MSRA: variants seen among roughly 807,000 people sequenced by gnomAD.
MSRA encodes the protein methionine sulfoxide reductase A.
MSRA carries 54 observed loss-of-function variants against 31.3 expected under a neutral mutation model. That is an observed-to-expected ratio of 1.73 (90% CI 1.39 to 2.17). The LOEUF (loss-of-function observed/expected upper bound fraction) is 2.17. Ranked by LOEUF, MSRA falls within the 30% of genes most tolerant of loss-of-function variation. MSRA has a pLI of 0.00. For synonymous variants in MSRA, 169 were observed against 116.5 expected (o/e 1.45, Z -2.90); for missense variants, 507 against 300.9 (o/e 1.69, Z -5.07).
chr8:10,155,032 G>T (rs10100285), intron 1 of MSRA, among the ~76,000 whole-genome samples: 5,238 of 123,354 alleles, frequency 0.042, 446 homozygotes, highest in African/African-American at 0.16. Context: ...CCTTGCATTC[G>T]CATTTTAAGA....
At chr8:10,090,843 C>T (rs1311813169) in intron 1 of MSRA, among the ~76,000 whole-genome samples, 9 of 152,194 alleles carry the variant, frequency 5.9e-5, no homozygotes, top group Admixed American at 2.6e-4. Flanking sequence ...AAGGCCCATC[C>T]ATGCCATTGC....
intron 1 of MSRA, among the ~76,000 whole-genome samples, chr8:10,117,639 T>G (rs1228164011): frequency 2.6e-5 from 4 of 152,236 alleles, no homozygotes; most frequent in African/African-American, 9.6e-5. Flanking sequence ...TTGATGGTAC[T>G]GATGAGAGTG....
intron 3 of MSRA, among the ~76,000 whole-genome samples, chr8:10,267,014 T>C (rs1798782196): frequency 1.3e-5 from 2 of 152,248 alleles, no homozygotes. Flanking sequence ...ATTATATTCT[T>C]GATTATAGTT....
intron 1 of MSRA, among the ~76,000 whole-genome samples, chr8:10,155,436 G>C (rs1804072529): frequency 6.6e-6 from 1 of 152,184 alleles, no homozygotes; most frequent in Non-Finnish European, 1.5e-5. Context: ...CCTAGAAGCT[G>C]TGCCATCCCA....
chr8:10,078,942 G>A (rs931018372), intron 1 of MSRA, among the ~76,000 whole-genome samples: 1 of 152,200 alleles, frequency 6.6e-6, no homozygotes, highest in African/African-American at 2.4e-5. Context: ...GTGGTCCCTC[G>A]CTAGCTTTTC....
intron 5 of MSRA, among the ~76,000 whole-genome samples, chr8:10,412,504 T>C (rs1360670185): frequency 2.6e-5 from 4 of 152,190 alleles, no homozygotes; most frequent in African/African-American, 9.7e-5. Context: ...ACGAAGATGC[T>C]CAACGGGAGC....
At chr8:10,342,204 G>A (rs1351921812) in intron 5 of MSRA, among the ~76,000 whole-genome samples, 1 of 152,144 alleles carries the variant, frequency 6.6e-6, no homozygotes, top group Non-Finnish European at 1.5e-5. Flanking sequence ...CACAAGCATG[G>A]CCTTGAGCAG....
intron 1 of MSRA, among the ~76,000 whole-genome samples, chr8:10,077,964 C>T (rs1031195677): frequency 1.3e-5 from 2 of 152,178 alleles, no homozygotes; most frequent in Non-Finnish European, 2.9e-5. Context: ...TGAAAATATT[C>T]ACTAATATTT....
chr8:10,424,884 C>T (rs368524806), intron 5 of MSRA, among the ~76,000 whole-genome samples: 1 of 152,200 alleles, frequency 6.6e-6, no homozygotes. Flanking sequence ...TCACTTGTGC[C>T]GCACACAGCG....
chr8:10,369,632 T>G (rs1222500798), intron 5 of MSRA, among the ~76,000 whole-genome samples: 1 of 152,222 alleles, frequency 6.6e-6, no homozygotes, highest in Non-Finnish European at 1.5e-5. Context: ...TATTAAAATT[T>G]GATTTTAGGA....
rs10665004 is a variant in MSRA, at chr8:10,113,292, C to CTTTTTTTTTTT, written c.142+58646_142+58656dup. Among the ~76,000 whole-genome samples the CTTTTTTTTTTT allele has an allele frequency of 4.5e-4, 26 of 57,596 alleles. 2 individuals carry two copies. The highest frequency in any genetic ancestry group is 7.8e-4 in the African/African-American group (10 of 12,762). The allele number at this position is 57,596 out of a possible 152,430, so 37.8% of individuals were successfully genotyped here. A position where few individuals can be genotyped will look rare whatever the true frequency, so the allele number is the denominator to read the frequency against. On this transcript the variant is annotated intron_variant, in intron 1 of 5. Coordinates refer to ENST00000317173, the MANE Select transcript of MSRA (RefSeq NM_012331.5). Reference sequence around the variant, plus strand: ...CATGGCTTTGGTGAAGACAGGTCTTCTTTTTTTTTTTTTTTTTTTTTTGGA... The same window carrying CTTTTTTTTTTT: ...CATGGCTTTGGTGAAGACAGGTCTTCTTTTTTTTTTTTTTTTTTTTTTTTTTTTTTTTTGGA...
At chr8:10,407,104 G>A (rs1352341907) in intron 5 of MSRA, among the ~76,000 whole-genome samples, 5 of 152,170 alleles carry the variant, frequency 3.3e-5, no homozygotes, top group African/African-American at 1.2e-4. Context: ...CTTGAACTCC[G>A]GGACTCAAGT....
intron 1 of MSRA, among the ~76,000 whole-genome samples, chr8:10,128,674 G>A (rs910678697): frequency 6.6e-6 from 1 of 152,208 alleles, no homozygotes; most frequent in Non-Finnish European, 1.5e-5. Context: ...TATTCCAGAT[G>A]TAGGTGAGTC....
chr8:10,307,404 C>A (rs1801199248), intron 4 of MSRA, among the ~76,000 whole-genome samples: 1 of 152,120 alleles, frequency 6.6e-6, no homozygotes, highest in South Asian at 2.1e-4. Flanking sequence ...TGGGCTCAAG[C>A]AATCCACCTG....
chr8:10,115,859 T>TAC (rs1250268623), intron 1 of MSRA, among the ~76,000 whole-genome samples: 2 of 152,156 alleles, frequency 1.3e-5, no homozygotes, highest in Non-Finnish European at 2.9e-5. Context: ...AATTAATAAA[T>TAC]AGAAAACACA....
intron 5 of MSRA, among the ~76,000 whole-genome samples, chr8:10,409,570 G>C (rs1350542495): frequency 1.3e-5 from 2 of 152,188 alleles, no homozygotes; most frequent in African/African-American, 2.4e-5. Flanking sequence ...AGATACTACT[G>C]TGATCTCTAG....
rs908541818 is a variant in MSRA at position 10,120,877 on chromosome 8, G to T, written c.142+66219G>T. ...GTGCACCTGTACACGTCCATGATTTGCATGTTTACCAAGAGTCTCCTGTGT... is the reference window on the plus strand; with the variant it reads ...GTGCACCTGTACACGTCCATGATTTTCATGTTTACCAAGAGTCTCCTGTGT... On this transcript the variant is annotated intron_variant, in intron 1 of 5. Coordinates refer to ENST00000317173, the MANE Select transcript of MSRA (RefSeq NM_012331.5). Among the ~76,000 whole-genome samples the T allele has an allele frequency of 2.0e-5, 3 of 152,232 alleles. No homozygotes were observed. In the South Asian group the frequency reaches 6.2e-4, roughly 32 times the overall value.
intron 3 of MSRA, among the ~76,000 whole-genome samples, chr8:10,264,565 G>GGT (rs1230538595): frequency 6.6e-6 from 1 of 152,200 alleles, no homozygotes; most frequent in Admixed American, 6.5e-5. Context: ...AGCCCAGGTG[G>GGT]GTGCAACAGG....
At chr8:10,216,961 A>C (rs899979850) in intron 2 of MSRA, among the ~76,000 whole-genome samples, 1 of 152,102 alleles carries the variant, frequency 6.6e-6, no homozygotes. Flanking sequence ...TCCATGTTTA[A>C]TTTTTTGAGG....
Sources: gnomAD v4.1 joint callset for allele counts (sites outside exome capture counted in the v4.1 genomes callset) on GRCh38, gnomAD v4.1.1 for gene constraint, MANE v1.5 for transcripts, NCBI Gene and HGNC (gene_info 2026-07-23, HGNC 2026-07-21) for gene names.